ARNT: variants seen among roughly 807,000 people sequenced by gnomAD.
ARNT encodes the protein aryl hydrocarbon receptor nuclear translocator.
Under a neutral mutation model 105.0 loss-of-function variants are expected in ARNT, and 30 were observed. The observed-to-expected ratio is 0.29, with a 90% CI of 0.21 to 0.39. The LOEUF is 0.39. ARNT is among the 10% of genes least tolerant of loss of function. The probability of loss-of-function intolerance (pLI) is 1.00; values close to 1 mark genes in which losing one functional copy is unlikely to be tolerated. For synonymous variants in ARNT, 304 were observed against 344.0 expected (o/e 0.88, Z 1.29); for missense variants, 748 against 978.7 (o/e 0.76, Z 3.15).
chr1:150,820,673 CA>C (rs973017547), intron 14 of ARNT, among the ~76,000 whole-genome samples: 1 of 151,750 alleles, frequency 6.6e-6, no homozygotes, highest in Non-Finnish European at 1.5e-5. Context: ...CAAAACAAAA[CA>C]AAACAAAACA....
At chr1:150,869,608 T>C (rs2102461039) in intron 1 of ARNT, among the ~76,000 whole-genome samples, 1 of 151,782 alleles carries the variant, frequency 6.6e-6, no homozygotes, top group East Asian at 1.9e-4. Context: ...TCCAGTGGCA[T>C]GATCATGGCT....
intron 1 of ARNT, among the ~76,000 whole-genome samples, chr1:150,860,546 C>T (rs2102328409): frequency 6.6e-6 from 1 of 151,802 alleles, no homozygotes; most frequent in South Asian, 2.1e-4. Context: ...ATATATGCAA[C>T]ACAGAATATC....
intron 7 of ARNT, 64 bp from the exon 8 acceptor site, chr1:150,834,704 T>A (rs868788368): frequency 7.1e-7 from 1 of 1,398,918 alleles, no homozygotes. Flanking sequence ...GGGGGAGAGA[T>A]ACTGAAGGCA....
At chr1:150,826,390 T>C (rs750137064) in intron 13 of ARNT, among the ~76,000 whole-genome samples, 153 bp downstream of exon 13, 2 of 152,240 alleles carry the variant, frequency 1.3e-5, no homozygotes, top group Non-Finnish European at 2.9e-5. Context: ...AATTTCAAAG[T>C]ATTAGTCCTT....
At chr1:150,859,211 C>A (rs587685583) in intron 1 of ARNT, among the ~76,000 whole-genome samples, 5 of 152,088 alleles carry the variant, frequency 3.3e-5, no homozygotes, top group African/African-American at 1.2e-4. Flanking sequence ...AATTCCAATA[C>A]TTAAAAGAAA....
At chr1:150,852,447 T>C (rs1297071192) in intron 3 of ARNT, among the ~76,000 whole-genome samples, 1 of 152,128 alleles carries the variant, frequency 6.6e-6, no homozygotes, top group Non-Finnish European at 1.5e-5. Context: ...TGAGTGAGTC[T>C]AGGTGAGATA....
intron 6 of ARNT, 42 bp downstream of exon 6, chr1:150,839,399 A>C (rs185175101): frequency 6.6e-5 from 105 of 1,599,374 alleles, no homozygotes; most frequent in Admixed American, 3.4e-4. Flanking sequence ...CAAGAGATTC[A>C]CCCAGATTCC....
chr1:150,876,442 G>T, intron 1 of ARNT, 101 bp downstream of exon 1: 1 of 1,441,192 alleles, frequency 6.9e-7, no homozygotes, highest in Non-Finnish European at 9.2e-7. Flanking sequence ...CCGCCCCGGC[G>T]CCTTCAGCTC....
At chr1:150,827,639 T>C (rs1658542030) in intron 12 of ARNT, among the ~76,000 whole-genome samples, 1 of 152,232 alleles carries the variant, frequency 6.6e-6, no homozygotes, top group South Asian at 2.1e-4. Context: ...ATATGAACTG[T>C]GTACAAATCT....
At chr1:150,853,489 C>T (rs587712215) in intron 2 of ARNT, among the ~76,000 whole-genome samples, 1 of 152,128 alleles carries the variant, frequency 6.6e-6, no homozygotes, top group African/African-American at 2.4e-5. Context: ...TGCTCTAAGC[C>T]GTGTTACCAA....
At chr1:150,812,273 G>A (rs753803500) in intron 21 of ARNT, among the ~76,000 whole-genome samples, 163 bp from the exon 22 acceptor site, 14 of 151,958 alleles carry the variant, frequency 9.2e-5, no homozygotes, top group Non-Finnish European at 1.8e-4. Context: ...CCTTTAGATC[G>A]CAGCCTTTTT....
At position 150,849,565 on chromosome 1, in the gene ARNT, T is replaced by G. The variant is rs587711156; in HGVS notation, c.182+3197A>C. Among the ~76,000 whole-genome samples the G allele has an allele frequency of 1.7e-4, 26 of 152,186 alleles. No individual in the cohort carries two copies. The South Asian group carries it at 5.0e-3, about 29-fold the overall frequency. The stretch of plus-strand genomic sequence containing the variant: ...CTTTGGAAGGCCAAGGTGGGAGGAT[T>G]GCTTGAGCACAGGAGTTTAAGACCA... On this transcript the variant is annotated intron_variant, in intron 3 of 21. Transcript: ENST00000358595.
intron 14 of ARNT, among the ~76,000 whole-genome samples, chr1:150,819,710 T>A (rs1176181297): frequency 6.6e-6 from 1 of 152,112 alleles, no homozygotes; most frequent in Non-Finnish European, 1.5e-5. Context: ...ATACGAAAAG[T>A]CTAGAATAGA....
chr1:150,824,555 G>A (rs1185442708), intron 13 of ARNT, among the ~76,000 whole-genome samples: 1 of 150,992 alleles, frequency 6.6e-6, no homozygotes, highest in African/African-American at 2.4e-5. Context: ...CAGGGTTCAA[G>A]TGATTCTCCT....
rs587593534 is a variant in ARNT at position 150,824,637 on chromosome 1, T to C, written c.1243-1292A>G. 1.3e-4 allele frequency among the ~76,000 whole-genome samples: 19 copies of C among 151,720 alleles called. No homozygotes were observed. The South Asian group carries it at 3.8e-3, about 30-fold the overall frequency. The stretch of plus-strand genomic sequence containing the variant: ...GCCCAGCTAATTTTTGTATTTTTAG[T>C]AGAGACGGGTTTTCACCATGTTGGC... On this transcript the variant is annotated intron_variant, in intron 13 of 21. Coordinates refer to ENST00000358595, the MANE Select transcript of ARNT (RefSeq NM_001668.4).
chr1:150,857,702 C>G (rs1475440477), intron 2 of ARNT, among the ~76,000 whole-genome samples: 1 of 152,212 alleles, frequency 6.6e-6, no homozygotes, highest in Non-Finnish European at 1.5e-5. Context: ...TCTTTACCAA[C>G]AAATGCATAT....
chr1:150,850,623 G>A (rs1464606429), intron 3 of ARNT, among the ~76,000 whole-genome samples: 7 of 152,188 alleles, frequency 4.6e-5, no homozygotes, highest in East Asian at 1.9e-4. Context: ...GCGTGATCTC[G>A]GCTCGCTACA....
chr1:150,823,197 A>C lies in ARNT; in HGVS notation c.1391T>G (p.Val464Gly). 1 of 1,604,452 alleles carries C rather than the reference A, an allele frequency of 6.2e-7. No homozygotes were observed. Among genetic ancestry groups the C allele is most frequent in the Non-Finnish European group, 8.5e-7 (1 of 1,173,550 alleles). ...IEYIICTNTN[V>G]KNSSQEPRPT... ...CACACTCCTGTATAATACATACTTCACATTGGTGTTGGTACAGATGATGTA... is the reference window on the plus strand; with the variant it reads ...CACACTCCTGTATAATACATACTTCCCATTGGTGTTGGTACAGATGATGTA... The change falls in exon 14 of 22, where the codon GTG becomes GGG. Residue 464 changes from valine to glycine, a missense_variant. By Grantham distance (109) the Val-to-Gly change is moderately radical. This residue lies in a region of ARNT where 360 missense variants were observed against 411.9 expected (regional missense o/e 0.87). Transcript: ENST00000358595.
chr1:150,829,969 G>C lies in ARNT; in HGVS notation c.967C>G (p.Pro323Ala). The C allele has an allele frequency of 1.2e-6, 2 of 1,614,218 alleles. No homozygotes were observed. Among genetic ancestry groups the C allele is most frequent in the South Asian group, 2.2e-5 (2 of 91,078 alleles). ...TGGCCAGCCTCTGGGTCATCATCTGGGAGGGAAACACCTTCAGAAACGTGA... is the reference window on the plus strand; with the variant it reads ...TGGCCAGCCTCTGGGTCATCATCTGCGAGGGAAACACCTTCAGAAACGTGA... ...KAWPPAGVSL[P>A]DDDPEAGQGS... The change falls in exon 11 of 22, where the codon CCA becomes GCA. Residue 323 changes from proline to alanine, a missense_variant. Pro to Ala is a conservative substitution (Grantham distance 27). Around this residue, in one of 4 missense-constraint regions of ARNT, gnomAD observed 291 missense variants for 444.6 expected, o/e 0.65. Transcript: ENST00000358595.
Sources: gnomAD v4.1 joint callset for allele counts (sites outside exome capture counted in the v4.1 genomes callset) on GRCh38, gnomAD v4.1.1 for gene constraint, gnomAD v4.1.1 regional missense constraint, MANE v1.5 for transcripts, NCBI Gene and HGNC (gene_info 2026-07-23, HGNC 2026-07-21) for gene names.